SAMD5: variants seen among roughly 807,000 people sequenced by gnomAD.
SAMD5 encodes sterile alpha motif domain containing 5, also known as sterile alpha motif domain-containing protein 5.
In SAMD5, 13 loss-of-function variants were observed where a neutral mutation model predicts 11.3. The ratio of observed to expected loss-of-function variants is 1.15; its 90% CI spans 0.75 to 1.83. The LOEUF (loss-of-function observed/expected upper bound fraction) is 1.83, where lower values mean the gene tolerates loss of function less well. Ranked by LOEUF, SAMD5 falls within the 40% of genes most tolerant of loss-of-function variation. The pLI is 0.00. For missense variants in SAMD5, 255 were observed against 239.1 expected, an observed-to-expected ratio of 1.07 and a Z score of -0.44; for synonymous variants, 129 against 111.3, an observed-to-expected ratio of 1.16 and a Z score of -1.00.
At chr6:147,519,067 A>T (rs1357520140) in intron 1 of SAMD5, among the ~76,000 whole-genome samples, 1 of 152,214 alleles carries the variant, frequency 6.6e-6, no homozygotes. Context: ...TTACATTTCC[A>T]TAAAGTTAAA....
the SAMD5 span, among the ~76,000 whole-genome samples, chr6:147,837,567 C>T: frequency 6.6e-6 from 1 of 152,258 alleles, no homozygotes; most frequent in Admixed American, 6.5e-5. Context: ...AAGGTTAGAC[C>T]TGCAGCAAAC....
the SAMD5 span, among the ~76,000 whole-genome samples, chr6:147,934,573 C>T: frequency 7.2e-4 from 110 of 151,990 alleles, no homozygotes; most frequent in Non-Finnish European, 1.4e-3. Context: ...AGGTGGGTGA[C>T]GTGGTGGGGA....
At chr6:147,871,334 T>C in the SAMD5 span, among the ~76,000 whole-genome samples, 52,221 of 152,010 alleles carry the variant, frequency 0.34, 9,823 homozygotes, top group East Asian at 0.48. Flanking sequence ...GAGATACATT[T>C]AGGCTTAAGA....
chr6:147,691,382 A>T (rs538055384), intron 1 of SAMD5, among the ~76,000 whole-genome samples: 3 of 152,348 alleles, frequency 2.0e-5, no homozygotes, highest in Non-Finnish European at 2.9e-5. Context: ...GATTGTATTC[A>T]GTCATTAATT....
chr6:147,721,397 G>GGT (rs1562359829), intron 1 of SAMD5, among the ~76,000 whole-genome samples: 1 of 152,096 alleles, frequency 6.6e-6, no homozygotes, highest in African/African-American at 2.4e-5. Context: ...CATTCTAACT[G>GGT]GTGTGAGATG....
At chr6:147,658,844 T>C (rs986407339) in intron 1 of SAMD5, among the ~76,000 whole-genome samples, 2 of 152,208 alleles carry the variant, frequency 1.3e-5, no homozygotes, top group Non-Finnish European at 2.9e-5. Flanking sequence ...TTGAGTGTTC[T>C]GGGGACACAT....
chr6:147,806,303 TGCGCGC>T, the SAMD5 span, among the ~76,000 whole-genome samples: 13 of 141,176 alleles, frequency 9.2e-5, no homozygotes, highest in Admixed American at 2.1e-4. Context: ...AGTGTGCGCA[TGCGCGC>T]GCGCGCGCGC....
rs566714619 is a variant in SAMD5 at position 147,728,740 on chromosome 6, G to A, written c.163-8577G>A. Among the ~76,000 whole-genome samples the A allele has an allele frequency of 2.6e-5, 4 of 152,276 alleles. No homozygotes were observed. In the South Asian group the frequency reaches 8.3e-4, roughly 32 times the overall value. Reference sequence around the variant, plus strand: ...GGCCAGTCTAAACTGAAGTGTCCAGGAGTTTTTCTATATAAAACTCTAAAA... The same window carrying A: ...GGCCAGTCTAAACTGAAGTGTCCAGAAGTTTTTCTATATAAAACTCTAAAA... On this transcript the variant is annotated intron_variant, in intron 1 of 1. Transcript: ENST00000566741.
At chr6:147,653,455 C>A (rs772729523) in intron 1 of SAMD5, among the ~76,000 whole-genome samples, 1 of 152,142 alleles carries the variant, frequency 6.6e-6, no homozygotes. Flanking sequence ...GCATGTTATC[C>A]GTGGCTCCGT....
At chr6:147,788,493 A>C in the SAMD5 span, among the ~76,000 whole-genome samples, 4 of 152,242 alleles carry the variant, frequency 2.6e-5, no homozygotes, top group South Asian at 6.2e-4. Flanking sequence ...TGGCTATAAA[A>C]ATACAAATAT....
At chr6:147,669,568 C>T (rs34006391) in intron 1 of SAMD5, among the ~76,000 whole-genome samples, 11,423 of 151,840 alleles carry the variant, frequency 0.075, 556 homozygotes, top group South Asian at 0.2. Flanking sequence ...GCTGGGACTA[C>T]AGGTGTGCAC....
the SAMD5 span, among the ~76,000 whole-genome samples, chr6:147,750,266 G>A: frequency 6.6e-6 from 1 of 152,212 alleles, no homozygotes; most frequent in Admixed American, 6.5e-5. Context: ...AATCACAGAT[G>A]AGGTCATTGA....
the SAMD5 span, among the ~76,000 whole-genome samples, chr6:147,767,467 C>T: frequency 6.6e-6 from 1 of 152,044 alleles, no homozygotes; most frequent in Non-Finnish European, 1.5e-5. Flanking sequence ...TTGTGTCTCC[C>T]CGAAACTCTT....
rs974241286 is a variant in SAMD5 at position 147,710,900 on chromosome 6, T to C, written c.163-26417T>C. On this transcript the variant is annotated intron_variant, in intron 1 of 1. Coordinates refer to the SAMD5 transcript ENST00000566741. Reference sequence around the variant, plus strand: ...GTACTTTGAAGGGAGAAACAGTGTCTTGTGCCTGTTATATATACACTACCT... The same window carrying C: ...GTACTTTGAAGGGAGAAACAGTGTCCTGTGCCTGTTATATATACACTACCT... 7.2e-5 allele frequency among the ~76,000 whole-genome samples: 11 copies of C among 152,000 alleles called. No individual in the cohort carries two copies. In the South Asian group the frequency reaches 2.3e-3, roughly 32 times the overall value.
intron 1 of SAMD5, among the ~76,000 whole-genome samples, chr6:147,515,790 A>G (rs1456046998): frequency 1.3e-5 from 2 of 152,202 alleles, no homozygotes; most frequent in Non-Finnish European, 2.9e-5. Flanking sequence ...ATTTCTGCAA[A>G]CATGAAGGAT....
the SAMD5 span, among the ~76,000 whole-genome samples, chr6:147,815,447 A>G: frequency 1.3e-5 from 2 of 152,280 alleles, no homozygotes; most frequent in East Asian, 1.9e-4. Flanking sequence ...TGGTAGTAAA[A>G]GCAAGTATAG....
chr6:147,601,331 T>A (rs530867385), intron 1 of SAMD5, among the ~76,000 whole-genome samples: 1 of 149,174 alleles, frequency 6.7e-6, no homozygotes, highest in Admixed American at 6.6e-5. Context: ...CTGAACACCA[T>A]AAATCAGATT....
the SAMD5 span, among the ~76,000 whole-genome samples, chr6:147,926,983 G>A: frequency 1.1e-4 from 16 of 152,114 alleles, no homozygotes; most frequent in Admixed American, 3.3e-4. Flanking sequence ...GGTCATAGGC[G>A]ACCTTATTTC....
intron 1 of SAMD5, among the ~76,000 whole-genome samples, chr6:147,603,788 CAAA>C (rs200690344): frequency 6.6e-6 from 1 of 150,454 alleles, no homozygotes; most frequent in Non-Finnish European, 1.5e-5. Flanking sequence ...AAAAACAAAA[CAAA>C]AAAAAACAAC....
Sources: gnomAD v4.1 joint callset for allele counts (sites outside exome capture counted in the v4.1 genomes callset) on GRCh38, gnomAD v4.1.1 for gene constraint, MANE v1.5 for transcripts, NCBI Gene and HGNC (gene_info 2026-07-23, HGNC 2026-07-21) for gene names.